NBPF10: variants seen among roughly 807,000 people sequenced by gnomAD.
The protein encoded by NBPF10 is NBPF family member NBPF10.
Under a neutral mutation model 77.9 loss-of-function variants are expected in NBPF10, and 63 were observed. That is an observed-to-expected ratio of 0.81 (90% CI 0.66 to 1.00). The LOEUF is 1.00. NBPF10 is among the 50% of genes least tolerant of loss of function. NBPF10 has a pLI of 0.00. For synonymous variants in NBPF10, 146 were observed against 264.5 expected, an observed-to-expected ratio of 0.55 and a Z score of 4.35; for missense variants, 522 against 679.8, an observed-to-expected ratio of 0.77 and a Z score of 2.58.
At chr1:146,081,030 CA>C (rs1656267311) in intron 71 of NBPF10, among the ~76,000 whole-genome samples, 2 of 35,440 alleles carry the variant, frequency 5.6e-5, no homozygotes, top group African/African-American at 1.3e-4. Context: ...CACACACACA[CA>C]GAGAGAGAGA....
chr1:146,143,918 T>G (rs1399620216), intron 1 of NBPF10, among the ~76,000 whole-genome samples: 2 of 151,440 alleles, frequency 1.3e-5, no homozygotes, highest in African/African-American at 4.9e-5. Flanking sequence ...CCCATCTACT[T>G]TTTGTATTTT....
Position 146,126,596 on chromosome 1 carries a change from GACACACACACAC to G in NBPF10, c.1854-200_1854-189del, listed in dbSNP as rs56881979. The stretch of plus-strand genomic sequence containing the variant: ...CAGGTAGAAAAGGATGAACGAGAAA[GACACACACACAC>G]ACACACACACACACACACACACACA... On this transcript the variant is annotated intron_variant, in intron 13 of 89. Coordinates refer to ENST00000583866, the Ensembl canonical transcript of NBPF10. Among the ~76,000 whole-genome samples, 76 of 113,694 alleles carry G rather than the reference GACACACACACAC, an allele frequency of 6.7e-4. 1 individual carries two copies. The highest frequency in any genetic ancestry group is 8.6e-4 in the Admixed American group (9 of 10,504). 74.6% of individuals were successfully genotyped at this position (113,694 alleles called of 152,430 possible).
At chr1:146,084,119 G>A (rs1656530870) in intron 67 of NBPF10, among the ~76,000 whole-genome samples, 1 of 148,908 alleles carries the variant, frequency 6.7e-6, no homozygotes, top group Admixed American at 6.9e-5. Flanking sequence ...CAGAGACAGA[G>A]ACAGAGACAG....
In NBPF10 at chr1:146,142,268, T is replaced by C. The variant is rs1392187676; in HGVS notation, c.278+382A>G. Among the ~76,000 whole-genome samples the C allele has an allele frequency of 9.8e-5, 11 of 112,408 alleles. 2 individuals are homozygous for C. The highest frequency in any genetic ancestry group is 2.0e-4 in the Non-Finnish European group (10 of 50,416). The allele number at this position is 112,408 out of a possible 152,430, so 73.7% of individuals were successfully genotyped here. A position where few individuals can be genotyped will look rare whatever the true frequency, so the allele number is the denominator to read the frequency against. On this transcript the variant is annotated intron_variant, in intron 2 of 89. Transcript: ENST00000583866. ...AAGGACAGGGTCGAGGAGGCAACAT[T>C]GATTGAGTGAAAGAATGAGAAGACG...
exon 90 of NBPF10, chr1:146,065,621 T>G (rs1225241227): frequency 1.6e-5 from 2 of 128,014 alleles, no homozygotes; most frequent in Admixed American, 1.6e-4. Flanking sequence ...GGCAGAGTCC[T>G]GGGTGACATG....
At position 146,142,539 on chromosome 1, in the gene NBPF10, A is replaced by C; in HGVS notation, c.278+111T>G. 3.2e-6 allele frequency: 2 copies of C among 618,172 alleles called. 1 individual carries two copies. The highest frequency in any genetic ancestry group is 5.8e-6 in the Non-Finnish European group (2 of 343,890). 38.3% of individuals were successfully genotyped at this position (618,172 alleles called of 1,614,324 possible). On this transcript the variant is annotated intron_variant, in intron 2 of 89. Coordinates refer to ENST00000583866, the Ensembl canonical transcript of NBPF10. Reference sequence around the variant, plus strand: ...TGTGTGTCATGAGCCTGCCATGGCAATTTCTGCCCTTCCCCTGGCCCAGCT... The same window carrying C: ...TGTGTGTCATGAGCCTGCCATGGCACTTTCTGCCCTTCCCCTGGCCCAGCT...
At chr1:146,126,259 A>G (rs1312216730) in exon 14 of NBPF10, 3 of 1,608,628 alleles carry the variant, frequency 1.9e-6, no homozygotes, top group African/African-American at 1.3e-5. Context: ...AGCCAAGCCA[A>G]CACGCTGTTG....
At chr1:146,135,948 G>C (rs4068050) in intron 7 of NBPF10, among the ~76,000 whole-genome samples, 14 of 147,442 alleles carry the variant, frequency 9.5e-5, no homozygotes, top group Non-Finnish European at 1.9e-4. Context: ...AAGAAAAGAA[G>C]GACAGGGTCG....
At position 146,135,490 on chromosome 1, in the gene NBPF10, G is replaced by A. The variant is rs201507635; in HGVS notation, c.1123C>T (p.Arg375Ter). Residue 375 changes from arginine to a stop codon, truncating the protein, a stop_gained, in exon 8 of 90, where the codon CGA becomes TGA. Coordinates refer to ENST00000583866, the Ensembl canonical transcript of NBPF10. LOFTEE classifies it high-confidence loss of function. ...TTCTCCTTTAACTGGGTCAGCTCTCGTTCCTGAGCGTGAACCAGGACTTTA... is the reference window on the plus strand; with the variant it reads ...TTCTCCTTTAACTGGGTCAGCTCTCATTCCTGAGCGTGAACCAGGACTTTA... 3.5e-4 allele frequency: 247 copies of A among 712,770 alleles called. 21 individuals carry two copies. In the East Asian group the frequency reaches 5.5e-3, roughly 16 times the overall value. 44.2% of individuals were successfully genotyped at this position (712,770 alleles called of 1,614,324 possible). A position where few individuals can be genotyped will look rare whatever the true frequency, so the allele number is the denominator to read the frequency against.
intron 14 of NBPF10, 146 bp downstream of exon 14, chr1:146,126,090 T>C (rs1359116064): frequency 1.5e-6 from 1 of 646,516 alleles, no homozygotes; most frequent in Admixed American, 2.7e-5. Context: ...CAAGTGGAAC[T>C]AGAGTTTCAT....
chr1:146,126,506 A>T, intron 13 of NBPF10, 98 bp from the exon 14 acceptor site: 1 of 718,928 alleles, frequency 1.4e-6, no homozygotes. Context: ...GAGTTTGAAA[A>T]GAAAAAGGAC....
At position 146,125,448 on chromosome 1, in the gene NBPF10, T is replaced by C. The variant is rs1658485551; in HGVS notation, c.2078+17A>G. 2 of 385,806 alleles carry C rather than the reference T, an allele frequency of 5.2e-6. No individual in the cohort carries two copies. The highest frequency in any genetic ancestry group is 3.9e-5 in the East Asian group (1 of 25,622). The allele number at this position is 385,806 out of a possible 1,614,324, so 23.9% of individuals were successfully genotyped here. ...GTGTCAACACAGAATTAAGCATCCA[T>C]AATTGCTCAAAGTTACCTGGGGCAT... On this transcript the variant is annotated intron_variant, in intron 15 of 89. Coordinates refer to ENST00000583866, the Ensembl canonical transcript of NBPF10.
intron 11 of NBPF10, among the ~76,000 whole-genome samples, chr1:146,129,489 C>T (rs1659068788): frequency 7.3e-6 from 1 of 137,278 alleles, no homozygotes; most frequent in Non-Finnish European, 1.5e-5. Flanking sequence ...AAATATGGGA[C>T]TATGTGGAAA....
intron 88 of NBPF10, among the ~76,000 whole-genome samples, chr1:146,067,505 T>C (rs1553778142): frequency 6.8e-6 from 1 of 146,806 alleles, no homozygotes; most frequent in Non-Finnish European, 1.5e-5. Context: ...TTCTAGTAGA[T>C]CGTTATCCCA....
intron 14 of NBPF10, among the ~76,000 whole-genome samples, 167 bp from the exon 15 acceptor site, chr1:146,125,683 C>G (rs1448733887): frequency 7.7e-6 from 1 of 129,848 alleles, no homozygotes; most frequent in African/African-American, 2.9e-5. Flanking sequence ...ACAGAGATTC[C>G]TTGGTTTTTG....
At chr1:146,141,795 G>T in exon 3 of NBPF10, 1 of 1,342,106 alleles carries the variant, frequency 7.5e-7, no homozygotes, top group Non-Finnish European at 1.0e-6. Flanking sequence ...TCGTTCCTGA[G>T]AGTGAACTAG....
chr1:146,139,259 C>T (rs1351952325), intron 5 of NBPF10, among the ~76,000 whole-genome samples: 4 of 150,302 alleles, frequency 2.7e-5, no homozygotes, highest in African/African-American at 4.8e-5. Flanking sequence ...ACCACCACGC[C>T]CAGCTATTTT....
At chr1:146,142,624 T>G in intron 2 of NBPF10, 26 bp downstream of exon 2, 1 of 1,238,516 alleles carries the variant, frequency 8.1e-7, no homozygotes, top group Non-Finnish European at 1.1e-6. Flanking sequence ...CCTACCCGCC[T>G]GCCTCCCCCT....
intron 2 of NBPF10, among the ~76,000 whole-genome samples, chr1:146,142,353 T>G (rs1453513553): frequency 1.5e-5 from 2 of 132,762 alleles, no homozygotes; most frequent in African/African-American, 5.1e-5. Flanking sequence ...CACACCATTT[T>G]GATTATACTG....
Sources: allele counts gnomAD v4.1 joint callset (sites outside exome capture counted in the v4.1 genomes callset), GRCh38; gene constraint gnomAD v4.1.1; transcripts MANE v1.5; gene names NCBI Gene and HGNC (gene_info 2026-07-23, HGNC 2026-07-21).